SLC13A3: variants seen among roughly 807,000 people sequenced by gnomAD.
SLC13A3 encodes the protein Na(+)/dicarboxylate cotransporter 3.
In SLC13A3, 40 loss-of-function variants were observed where a neutral mutation model predicts 59.0. That is an observed-to-expected ratio of 0.68 (90% CI 0.53 to 0.88). The LOEUF (loss-of-function observed/expected upper bound fraction) is 0.88, where lower values mean the gene tolerates loss of function less well. Ranked by LOEUF, SLC13A3 falls within the 40% of genes least tolerant of loss-of-function variation. The pLI is 0.00. For synonymous variants in SLC13A3, 317 were observed against 330.3 expected, an observed-to-expected ratio of 0.96 and a Z score of 0.44; for missense variants, 699 against 783.2, an observed-to-expected ratio of 0.89 and a Z score of 1.28.
At chr20:46,677,207 T>A (rs1451685979) in intron 1 of SLC13A3, among the ~76,000 whole-genome samples, 1 of 152,214 alleles carries the variant, frequency 6.6e-6, no homozygotes, top group African/African-American at 2.4e-5. Flanking sequence ...AGCCACCACC[T>A]GGCCTCACAG....
intron 11 of SLC13A3, among the ~76,000 whole-genome samples, chr20:46,565,127 CT>C (rs2146079327): frequency 6.6e-6 from 1 of 152,226 alleles, no homozygotes; most frequent in South Asian, 2.1e-4. Context: ...TGATAGTTTC[CT>C]TTTTAAAACT....
At chr20:46,610,351 T>C in intron 3 of SLC13A3, 95 bp downstream of exon 3, 1 of 1,206,140 alleles carries the variant, frequency 8.3e-7, no homozygotes, top group Non-Finnish European at 1.2e-6. Flanking sequence ...TCAATAAGTG[T>C]GCATGCCCTT....
intron 1 of SLC13A3, among the ~76,000 whole-genome samples, chr20:46,665,596 GAAT>G (rs746698281): frequency 2.0e-5 from 3 of 152,120 alleles, no homozygotes; most frequent in African/African-American, 7.2e-5. Flanking sequence ...TTTTATTGCT[GAAT>G]AATATTTCAT....
At chr20:46,566,416 T>A in intron 10 of SLC13A3, 26 bp from the exon 11 acceptor site, 1 of 1,603,188 alleles carries the variant, frequency 6.2e-7, no homozygotes, top group Non-Finnish European at 8.5e-7. Flanking sequence ...CATTCCTTCA[T>A]ACCCCAGCCC....
chr20:46,600,691 G>T (rs920975963), intron 3 of SLC13A3: 7 of 380,360 alleles, frequency 1.8e-5, no homozygotes, highest in South Asian at 4.1e-5. Flanking sequence ...CATCCAAAAA[G>T]TATTTATTGA....
intron 8 of SLC13A3, 42 bp downstream of exon 8, chr20:46,588,017 C>T (rs370961020): frequency 2.0e-5 from 25 of 1,224,920 alleles, no homozygotes; most frequent in Admixed American, 6.5e-5. Flanking sequence ...AGCCCAGAAT[C>T]CTCCCTGTTG....
intron 1 of SLC13A3, among the ~76,000 whole-genome samples, chr20:46,638,336 C>T (rs2062814207): frequency 6.6e-6 from 1 of 152,238 alleles, no homozygotes; most frequent in East Asian, 1.9e-4. Flanking sequence ...CTTTGCTCTG[C>T]CCCTCACCCC....
upstream of SLC13A3, among the ~76,000 whole-genome samples, chr20:46,653,109 T>G (rs1329856581): frequency 6.6e-6 from 1 of 152,204 alleles, no homozygotes; most frequent in African/African-American, 2.4e-5. Context: ...TTATTTGGTT[T>G]TTTACAGTTG....
chr20:46,643,699 T>A (rs569580125), intron 1 of SLC13A3, among the ~76,000 whole-genome samples: 39 of 152,334 alleles, frequency 2.6e-4, no homozygotes, highest in African/African-American at 9.1e-4. Flanking sequence ...CCCCCTCACC[T>A]GTCATCTAGA....
upstream of SLC13A3, among the ~76,000 whole-genome samples, chr20:46,674,604 CGTGTGTGTGTGT>C (rs58582046): frequency 7.8e-6 from 1 of 127,882 alleles, no homozygotes; most frequent in Non-Finnish European, 1.6e-5. Context: ...CGCGCGCGCG[CGTGTGTGTGTGT>C]GTGTGTGTGT....
At chr20:46,574,938 C>A (rs2062060600) in intron 10 of SLC13A3, among the ~76,000 whole-genome samples, 1 of 150,490 alleles carries the variant, frequency 6.6e-6, no homozygotes, top group African/African-American at 2.4e-5. Flanking sequence ...AGGACCACCA[C>A]ACCTGGCTAA....
chr20:46,608,941 A>T, intron 3 of SLC13A3: 1 of 1,550,990 alleles, frequency 6.4e-7, no homozygotes, highest in Admixed American at 2.0e-5. Flanking sequence ...CGGAAGTTGC[A>T]CACATCATTT....
chr20:46,584,804 T>A (rs1394897008), intron 8 of SLC13A3, among the ~76,000 whole-genome samples: 1 of 152,250 alleles, frequency 6.6e-6, no homozygotes, highest in African/African-American at 2.4e-5. Context: ...ACAGTCGTAC[T>A]TTTGTACACA....
chr20:46,654,507 C>T (rs868784492), upstream of SLC13A3, among the ~76,000 whole-genome samples: 2 of 152,166 alleles, frequency 1.3e-5, no homozygotes, highest in Non-Finnish European at 2.9e-5. Context: ...AGTGTTTTAA[C>T]TTTTCCTTCA....
At chr20:46,613,429 C>A (rs2062521885) in intron 2 of SLC13A3, 31 bp downstream of exon 2, 1 of 1,539,320 alleles carries the variant, frequency 6.5e-7, no homozygotes. Context: ...TGCCTCTCCG[C>A]TGTAGGGCTG....
chr20:46,632,283 G>A (rs981111613), intron 1 of SLC13A3, among the ~76,000 whole-genome samples: 1 of 152,218 alleles, frequency 6.6e-6, no homozygotes, highest in African/African-American at 2.4e-5. Context: ...CCAGGACTGA[G>A]CCTGCGAAGT....
chr20:46,683,248 T>A (rs1231012510), intron 1 of SLC13A3, among the ~76,000 whole-genome samples: 3 of 152,208 alleles, frequency 2.0e-5, no homozygotes. Flanking sequence ...ATCATTTCTT[T>A]TCTAACAAAG....
intron 1 of SLC13A3, among the ~76,000 whole-genome samples, chr20:46,677,143 A>G (rs1264493989): frequency 6.6e-6 from 1 of 152,146 alleles, no homozygotes; most frequent in Non-Finnish European, 1.5e-5. Flanking sequence ...TGAACTCCTG[A>G]CCTCAGGTGA....
intron 1 of SLC13A3, chr20:46,682,491 C>G (rs2063158329): frequency 6.6e-6 from 1 of 151,836 alleles, no homozygotes; most frequent in African/African-American, 2.4e-5. Flanking sequence ...GCCACAAAAG[C>G]ACTTTTAAAT....
Sources: allele counts gnomAD v4.1 joint callset (sites outside exome capture counted in the v4.1 genomes callset), GRCh38; gene constraint gnomAD v4.1.1; transcripts MANE v1.5; gene names NCBI Gene and HGNC (gene_info 2026-07-23, HGNC 2026-07-21).